Variants in GK observed in about 807,000 individuals in gnomAD.
GK encodes the protein glycerol kinase, also known as ATP:glycerol 3-phosphotransferase.
GK carries 9 observed loss-of-function variants against 56.4 expected under a neutral mutation model. The observed-to-expected ratio is 0.16, with a 90% CI of 0.10 to 0.28. The LOEUF (loss-of-function observed/expected upper bound fraction) is 0.28, where lower values mean the gene tolerates loss of function less well. Among genes scored for constraint, GK ranks in the 10% least tolerant of loss-of-function variants. GK has a pLI of 1.00. For synonymous variants in GK, 104 were observed against 144.1 expected (o/e 0.72, Z 1.99); for missense variants, 161 against 431.4 (o/e 0.37, Z 5.55).
At chrX:30,694,606 GTT>G in intron 6 of GK, 69 bp downstream of exon 6, 2 of 894,627 alleles carry the variant, frequency 2.2e-6, no homozygotes, top group Non-Finnish European at 3.3e-6. Context: ...CTTGCCTATT[GTT>G]TCTACTAGCA....
intron 19 of GK, among the ~76,000 whole-genome samples, chrX:30,725,580 T>C (rs1191549710): frequency 8.9e-6 from 1 of 112,106 alleles, no homozygotes; most frequent in Non-Finnish European, 1.9e-5. Context: ...GGAAATTGAG[T>C]TACATTATTT....
At chrX:30,692,886 CCATACT>C (rs1254745257) in intron 5 of GK, among the ~76,000 whole-genome samples, 3 of 109,872 alleles carry the variant, frequency 2.7e-5, no homozygotes, top group Non-Finnish European at 5.7e-5. Flanking sequence ...TCTTACAAAA[CCATACT>C]CATATGAGAT....
intron 1 of GK, among the ~76,000 whole-genome samples, chrX:30,653,844 T>C (rs1932034461): frequency 8.9e-6 from 1 of 112,427 alleles, no homozygotes; most frequent in African/African-American, 3.2e-5. Context: ...GCAGTTTTGG[T>C]GGCGGAGCTG....
intron 5 of GK, among the ~76,000 whole-genome samples, chrX:30,693,078 G>A (rs772762427): frequency 2.1e-5 from 2 of 96,852 alleles, no homozygotes; most frequent in African/African-American, 7.8e-5. Flanking sequence ...GTGCAGTGGC[G>A]TCATCTTGGC....
intron 1 of GK, among the ~76,000 whole-genome samples, chrX:30,654,185 A>G (rs985961316): frequency 8.9e-6 from 1 of 112,574 alleles, no homozygotes; most frequent in African/African-American, 3.2e-5. Flanking sequence ...GTCACACTAC[A>G]CTGGTTTTGC....
intron 20 of GK, among the ~76,000 whole-genome samples, chrX:30,727,990 C>T (rs895096666): frequency 9.0e-6 from 1 of 111,579 alleles, no homozygotes; most frequent in Non-Finnish European, 1.9e-5. Flanking sequence ...TCAGCCAGAG[C>T]ATGTCCACAG....
chrX:30,657,972 T>C lies in GK; in HGVS notation c.78+4357T>C, dbSNP rs142435871. On this transcript the variant is annotated intron_variant, in intron 1 of 20. Transcript: ENST00000427190. ...AGTACTGTGGGTTATGATCATCTTG[T>C]GACTCAAATTCAGTGGGTCCTAGGC... Among the ~76,000 whole-genome samples, 536 of 112,500 alleles carry C rather than the reference T, an allele frequency of 4.8e-3. 4 individuals are homozygous for C. Among genetic ancestry groups the C allele is most frequent in the African/African-American group, 0.016 (506 of 31,010 alleles).
chrX:30,658,866 A>G (rs906944626), intron 1 of GK, among the ~76,000 whole-genome samples: 1 of 112,644 alleles, frequency 8.9e-6, no homozygotes, highest in Non-Finnish European at 1.9e-5. Context: ...ACATGAACCA[A>G]CATTAGCAGC....
At chrX:30,666,892 C>T (rs1359867244) in intron 2 of GK, among the ~76,000 whole-genome samples, 1 of 111,611 alleles carries the variant, frequency 9.0e-6, no homozygotes, top group Admixed American at 9.6e-5. Context: ...CGGTGGCTCA[C>T]GCCTGTAATC....
chrX:30,703,865 G>T (rs956983314), intron 11 of GK, among the ~76,000 whole-genome samples: 3 of 107,299 alleles, frequency 2.8e-5, no homozygotes, highest in Non-Finnish European at 5.7e-5. Flanking sequence ...GAAGGCTGAG[G>T]CATGAAAATT....
In GK at chrX:30,677,405, C is replaced by T; in HGVS notation, c.290C>T (p.Thr97Ile). ...GGTGTCAGCAACCAGAGGGAAACCA[C>T]TGTAGTCTGGGACAAGATAACTGGA... The part of the protein sequence containing the change: ...AIGVSNQRET[T>I]VVWDKITGEP... Residue 97 changes from threonine (T) to isoleucine (I), a missense_variant, in exon 4 of 21, where the codon ACT becomes ATT. Transcript: ENST00000427190. 1.7e-6 allele frequency: 2 copies of T among 1,169,219 alleles called. No homozygotes were observed. The highest frequency in any genetic ancestry group is 2.3e-6 in the Non-Finnish European group (2 of 856,495).
At chrX:30,689,316 G>C (rs1218580129) in intron 4 of GK, among the ~76,000 whole-genome samples, 1 of 112,389 alleles carries the variant, frequency 8.9e-6, no homozygotes. Context: ...CTGTGTAAAA[G>C]TAGACTGCCC....
intron 3 of GK, among the ~76,000 whole-genome samples, chrX:30,670,117 T>G (rs995784425): frequency 8.9e-6 from 1 of 112,398 alleles, no homozygotes; most frequent in Non-Finnish European, 1.9e-5. Flanking sequence ...TTGTTGATCA[T>G]TTCCTTGAGC....
At chrX:30,686,307 A>G (rs1162630101) in intron 4 of GK, among the ~76,000 whole-genome samples, 1 of 112,607 alleles carries the variant, frequency 8.9e-6, no homozygotes, top group Admixed American at 9.4e-5. Context: ...GACAAATAGT[A>G]AAATGCCATA....
rs1389231158 is a variant in GK at position 30,707,536 on chromosome X, C to A, written c.852-20C>A. ...CTTTCAATAAAATTGTCTTACTATT[C>A]ATTCTCCCTTCAACCATAGGTATGG... On this transcript the variant is annotated intron_variant, in intron 11 of 20. Transcript: ENST00000427190. 2.0e-6 allele frequency: 2 copies of A among 985,662 alleles called. No individual in the cohort carries two copies. The highest frequency in any genetic ancestry group is 2.8e-4 in the Middle Eastern group (1 of 3,555). The allele number at this position is 985,662 out of a possible 1,213,427, so 81.2% of individuals were successfully genotyped here. A position where few individuals can be genotyped will look rare whatever the true frequency, so the allele number is the denominator to read the frequency against.
intron 3 of GK, among the ~76,000 whole-genome samples, chrX:30,673,990 T>A (rs185772128): frequency 8.9e-6 from 1 of 111,766 alleles, no homozygotes; most frequent in Admixed American, 9.5e-5. Context: ...TTATTTGCCC[T>A]CCTTAGCTCA....
At chrX:30,691,339 C>T in intron 5 of GK, 140 bp downstream of exon 5, 1 of 433,642 alleles carries the variant, frequency 2.3e-6, no homozygotes, top group Non-Finnish European at 4.1e-6. Context: ...ATAATTGAGG[C>T]CAACTCAAGT....
At chrX:30,692,974 T>C (rs1280488938) in intron 5 of GK, among the ~76,000 whole-genome samples, 1 of 107,991 alleles carries the variant, frequency 9.3e-6, no homozygotes, top group African/African-American at 3.4e-5. Flanking sequence ...GGAATCATAG[T>C]TGCATTATTT....
At chrX:30,696,595 A>G (rs372972574) in intron 7 of GK, 22 bp from the exon 8 acceptor site, 3 of 1,109,506 alleles carry the variant, frequency 2.7e-6, no homozygotes, top group African/African-American at 3.6e-5. Context: ...AGTGTTAAAT[A>G]CCCAATCTTC....
Sources: allele counts gnomAD v4.1 joint callset (sites outside exome capture counted in the v4.1 genomes callset), GRCh38; gene constraint gnomAD v4.1.1; transcripts MANE v1.5; gene names NCBI Gene and HGNC (gene_info 2026-07-23, HGNC 2026-07-21).